The following WDR89 variants were observed in gnomAD, a reference collection of about 807,000 sequenced individuals.
WDR89 encodes the protein WD repeat domain 89, also known as WD repeat-containing protein 89.
Under a neutral mutation model 29.1 loss-of-function variants are expected in WDR89, and 17 were observed. The observed-to-expected ratio is 0.58, with a 90% CI of 0.40 to 0.88. The LOEUF is 0.88. Among genes scored for constraint, WDR89 ranks in the 40% least tolerant of loss-of-function variants. The pLI is 0.00. For synonymous variants in WDR89, 138 were observed against 157.8 expected (o/e 0.87, Z 0.94); for missense variants, 396 against 456.3 (o/e 0.87, Z 1.20).
At chr14:63,603,407 T>C (rs1435862692) in intron 2 of WDR89, among the ~76,000 whole-genome samples, 1 of 152,200 alleles carries the variant, frequency 6.6e-6, no homozygotes, top group African/African-American at 2.4e-5. Context: ...TGTCATGGAA[T>C]TTTTTGAATA....
chr14:63,601,975 T>G (rs974435875), intron 2 of WDR89, among the ~76,000 whole-genome samples: 11 of 152,258 alleles, frequency 7.2e-5, no homozygotes, highest in Non-Finnish European at 4.4e-5. Context: ...TTCTCATCAG[T>G]GAATATTCTT....
At chr14:63,620,983 A>C (rs556718386) in intron 2 of WDR89, among the ~76,000 whole-genome samples, 2 of 152,014 alleles carry the variant, frequency 1.3e-5, no homozygotes, top group South Asian at 2.1e-4. Context: ...TATGTAAGGC[A>C]GTGGGTATGT....
chr14:63,601,312 T>C (rs1168236625), intron 2 of WDR89, among the ~76,000 whole-genome samples: 3 of 151,780 alleles, frequency 2.0e-5, no homozygotes, highest in South Asian at 4.1e-4. Context: ...CAGCTTGTGA[T>C]AGTAGAACTG....
chr14:63,610,501 T>C (rs1333440242), intron 2 of WDR89, among the ~76,000 whole-genome samples: 1 of 151,916 alleles, frequency 6.6e-6, no homozygotes, highest in African/African-American at 2.4e-5. Flanking sequence ...AACCTAATTG[T>C]GGAGAAGCTC....
At chr14:63,632,501 C>T (rs1207422007) in intron 1 of WDR89, among the ~76,000 whole-genome samples, 6 of 151,912 alleles carry the variant, frequency 3.9e-5, no homozygotes, top group South Asian at 2.1e-4. Flanking sequence ...GGCATGGTGG[C>T]GCAAACCTGT....
intron 1 of WDR89, among the ~76,000 whole-genome samples, chr14:63,638,762 G>A (rs75656951): frequency 1.3e-5 from 2 of 152,150 alleles, no homozygotes; most frequent in Non-Finnish European, 2.9e-5. Context: ...CATTTACTGT[G>A]AATTTGTTTT....
intron 2 of WDR89, among the ~76,000 whole-genome samples, chr14:63,619,530 AG>A (rs1882537513): frequency 6.6e-6 from 1 of 152,310 alleles, no homozygotes; most frequent in East Asian, 1.9e-4. Context: ...ACCTACTAAT[AG>A]TGTAAGTACA....
At chr14:63,606,248 T>A (rs1895316284) in intron 2 of WDR89, among the ~76,000 whole-genome samples, 1 of 151,020 alleles carries the variant, frequency 6.6e-6, no homozygotes, top group South Asian at 2.1e-4. Context: ...GTCCCCAGCC[T>A]GTGTCTCAAT....
intron 2 of WDR89, among the ~76,000 whole-genome samples, chr14:63,602,445 AGAGT>A (rs984387744): frequency 5.0e-5 from 7 of 140,100 alleles, no homozygotes; most frequent in Admixed American, 1.5e-4. Flanking sequence ...CCTGAACAAC[AGAGT>A]GAGATTCCTA....
intron 2 of WDR89, among the ~76,000 whole-genome samples, chr14:63,611,701 C>A (rs1429923180): frequency 6.6e-6 from 1 of 151,602 alleles, no homozygotes; most frequent in African/African-American, 2.4e-5. Flanking sequence ...ATTATCCCCC[C>A]CAAAAAAAAA....
chr14:63,605,211 TACACACACACAC>T (rs200461481), intron 2 of WDR89, among the ~76,000 whole-genome samples: 4 of 102,430 alleles, frequency 3.9e-5, no homozygotes, highest in East Asian at 5.3e-4. Flanking sequence ...TACATACACA[TACACACACACAC>T]ACACACACAC....
intron 2 of WDR89, among the ~76,000 whole-genome samples, chr14:63,601,182 ATAAACT>A (rs1356672699): frequency 1.3e-5 from 2 of 152,110 alleles, no homozygotes; most frequent in African/African-American, 4.8e-5. Flanking sequence ...CGTTAAGATA[ATAAACT>A]TAATGTTATT....
At position 63,598,813 on chromosome 14, in the gene WDR89, C is replaced by T. The variant is rs755640808; in HGVS notation, c.1130G>A (p.Ser377Asn). 1.3e-5 allele frequency: 21 copies of T among 1,603,364 alleles called. No homozygotes were observed. Among genetic ancestry groups the T allele is most frequent in the Non-Finnish European group, 1.7e-5 (20 of 1,175,052 alleles). The change falls in exon 3 of 3, where the codon AGT becomes AAT. Residue 377 changes from serine to asparagine, a missense_variant. Coordinates refer to ENST00000620954, the MANE Select transcript of WDR89 (RefSeq NM_080666.4). ...TTTCCTTCTTTTATAAGAATCATTA[C>T]TATGAACTCGTACTCGTTGGTGCAC... ...SSVHQRVRVH[S>N]NDSYKRRKKQ
chr14:63,634,824 C>T lies in WDR89; in HGVS notation c.-138+6980G>A, dbSNP rs559853034. On this transcript the variant is annotated intron_variant, in intron 1 of 2. Coordinates refer to ENST00000620954, the MANE Select transcript of WDR89 (RefSeq NM_080666.4). ...GGCGGAGGTTGCGGTGAGCCAAGAT[C>T]GCACCATTGCACTGCAGTCTGGGCA... is the stretch of plus-strand genomic sequence containing the variant. Among the ~76,000 whole-genome samples, 10 of 147,928 alleles carry T rather than the reference C, an allele frequency of 6.8e-5. 1 individual carries two copies. Among genetic ancestry groups the T allele is most frequent in the African/African-American group, 2.5e-5 (1 of 39,676 alleles).
intron 2 of WDR89, chr14:63,601,752 C>A: frequency 7.3e-7 from 1 of 1,364,878 alleles, no homozygotes; most frequent in Non-Finnish European, 1.0e-6. Flanking sequence ...CAAAGTAGTT[C>A]TAGATGACAA....
In WDR89 at chr14:63,599,190, A is replaced by G. The variant is rs191204435; in HGVS notation, c.753T>C (p.Thr251=). The change falls in exon 3 of 3, where the codon ACT becomes ACC. Residue 251 remains threonine, a synonymous_variant. Coordinates refer to ENST00000620954, the MANE Select transcript of WDR89 (RefSeq NM_080666.4). ...FYWWDLNHLD[T]DEPVTRLNIQ... is the part of the protein sequence containing the mutation. ...TGTTCAAACGTGTAACTGGTTCATC[A>G]GTGTCCAGATGATTAAGATCCCACC... 3.1e-6 allele frequency: 5 copies of G among 1,609,160 alleles called. No homozygotes were observed. Among genetic ancestry groups the G allele is most frequent in the East Asian group, 2.2e-5 (1 of 44,840 alleles).
At chr14:63,623,717 A>AAG (rs1276096921) in intron 2 of WDR89, among the ~76,000 whole-genome samples, 3 of 150,634 alleles carry the variant, frequency 2.0e-5, no homozygotes, top group African/African-American at 7.3e-5. Flanking sequence ...AAAAAAAAAA[A>AAG]AAAAAAAAAA....
At position 63,598,857 on chromosome 14, in the gene WDR89, A is replaced by ACT; in HGVS notation, c.1084_1085dup (p.Ser362ArgfsTer3). ...GGTGCACAGAGGATGCTATTTTCAT[A>ACT]CTCTCTTTCTTTGTAAAGGTCTTCT... is the stretch of plus-strand genomic sequence containing the variant. On this transcript the variant is annotated frameshift_variant, in exon 3 of 3. Transcript: ENST00000620954. LOFTEE classifies it high-confidence loss of function. The ACT allele has an allele frequency of 6.2e-7, 1 of 1,613,994 alleles. No individual in the cohort carries two copies. Among genetic ancestry groups the ACT allele is most frequent in the Non-Finnish European group, 8.5e-7 (1 of 1,179,972 alleles).
intron 2 of WDR89, chr14:63,601,825 T>G (rs563575652): frequency 1.0e-5 from 10 of 967,300 alleles, no homozygotes; most frequent in African/African-American, 8.0e-5. Context: ...AATAAGTCAC[T>G]ATTGAAATGG....
Sources: allele counts gnomAD v4.1 joint callset (sites outside exome capture counted in the v4.1 genomes callset), GRCh38; gene constraint gnomAD v4.1.1; transcripts MANE v1.5; gene names NCBI Gene and HGNC (gene_info 2026-07-23, HGNC 2026-07-21).